ADRA1B: variants seen among roughly 807,000 people sequenced by gnomAD.
ADRA1B encodes the protein adrenoceptor alpha 1B.
ADRA1B carries 17 observed loss-of-function variants against 17.9 expected under a neutral mutation model. The ratio of observed to expected loss-of-function variants is 0.95; its 90% CI spans 0.65 to 1.42. ADRA1B has a LOEUF of 1.42. Among genes scored for constraint, ADRA1B ranks in the 40% most tolerant of loss-of-function variants. The probability of loss-of-function intolerance (pLI) is 0.00; values close to 1 mark genes in which losing one functional copy is unlikely to be tolerated. For synonymous variants in ADRA1B, 366 were observed against 327.6 expected (o/e 1.12, Z -1.27); for missense variants, 681 against 722.1 (o/e 0.94, Z 0.65).
At chr5:159,946,104 A>G (rs577785839) in intron 1 of ADRA1B, among the ~76,000 whole-genome samples, 1 of 152,300 alleles carries the variant, frequency 6.6e-6, no homozygotes, top group South Asian at 2.1e-4. Context: ...TAGAGGCTTA[A>G]GGGTAGAGAC....
In ADRA1B at chr5:159,917,298, G is replaced by T; in HGVS notation, c.393G>T (p.Ala131=). The change falls in exon 1 of 2, where the codon GCG becomes GCT. Residue 131 remains alanine (A), a synonymous_variant. Coordinates refer to ENST00000306675, the MANE Select transcript of ADRA1B (RefSeq NM_000679.4). The part of the protein sequence containing the change: ...WAAVDVLCCT[A]SILSLCAISI... ...CCGTGGATGTCCTGTGCTGCACAGC[G>T]TCCATTCTGAGCCTGTGCGCCATCT... 1 of 1,614,026 alleles carries T rather than the reference G, an allele frequency of 6.2e-7. No homozygotes were observed.
intron 1 of ADRA1B, among the ~76,000 whole-genome samples, chr5:159,945,564 C>G (rs1755246132): frequency 6.6e-6 from 1 of 152,028 alleles, no homozygotes; most frequent in Non-Finnish European, 1.5e-5. Flanking sequence ...GAGTGCTGGA[C>G]TGCACAGAAG....
Position 159,972,555 on chromosome 5 carries a change from G to A in ADRA1B, c.*63G>A, listed in dbSNP as rs1755902205. ...ACATCGTGGGGGGGAGGGGAGGGCG[G>A]GGCGGAGGGGGGAGGGGAGCGTCCA... On this transcript the variant is annotated 3_prime_UTR_variant, in exon 2 of 2. Coordinates refer to ENST00000306675, the MANE Select transcript of ADRA1B (RefSeq NM_000679.4). 1.8e-6 allele frequency: 1 copy of A among 563,346 alleles called. No individual in the cohort carries two copies. Among genetic ancestry groups the A allele is most frequent in the African/African-American group, 2.0e-5 (1 of 49,434 alleles). 34.9% of individuals were successfully genotyped at this position (563,346 alleles called of 1,614,324 possible).
At chr5:159,933,763 C>T (rs116446221) in intron 1 of ADRA1B, among the ~76,000 whole-genome samples, 4,045 of 152,320 alleles carry the variant, frequency 0.027, 79 homozygotes, top group Non-Finnish European at 0.036. Context: ...GGCCTGGCAG[C>T]CCACATCAGT....
At position 159,879,669 on chromosome 5, in the gene ADRA1B, G is replaced by A. The variant is rs564402344; in HGVS notation, c.-256+14463G>A. Among the ~76,000 whole-genome samples, 4 of 152,308 alleles carry A rather than the reference G, an allele frequency of 2.6e-5. No individual in the cohort carries two copies. The South Asian group carries it at 8.3e-4, about 32-fold the overall frequency. ...TGCATGCGTGTGTGTGGGTACATGTGTGTTTACCTGTGACTCGGTGTTTAA... is the reference window on the plus strand; with the variant it reads ...TGCATGCGTGTGTGTGGGTACATGTATGTTTACCTGTGACTCGGTGTTTAA... On this transcript the variant is annotated intron_variant, in intron 1 of 2. Coordinates refer to the ADRA1B transcript ENST00000641205.
intron 1 of ADRA1B, among the ~76,000 whole-genome samples, chr5:159,901,143 T>C (rs1268190625): frequency 6.6e-6 from 1 of 151,752 alleles, no homozygotes; most frequent in Non-Finnish European, 1.5e-5. Flanking sequence ...CATTAACTTA[T>C]AATTATTTAT....
chr5:159,873,402 C>G (rs978337095), intron 1 of ADRA1B, among the ~76,000 whole-genome samples: 1 of 152,188 alleles, frequency 6.6e-6, no homozygotes, highest in Admixed American at 6.5e-5. Context: ...CAGCTGTCAG[C>G]ATGAGCTTGG....
chr5:159,894,141 G>A (rs114454119), intron 1 of ADRA1B, among the ~76,000 whole-genome samples: 2,630 of 152,312 alleles, frequency 0.017, 86 homozygotes, highest in African/African-American at 0.059. Context: ...GTGGTGCCCC[G>A]CAGGGAGACG....
intron 1 of ADRA1B, among the ~76,000 whole-genome samples, chr5:159,923,562 G>C (rs1754552497): frequency 6.6e-6 from 1 of 152,236 alleles, no homozygotes; most frequent in African/African-American, 2.4e-5. Flanking sequence ...AGTGGGAAGG[G>C]GGAGCCTGAA....
At chr5:159,909,096 G>C (rs1047154410) in intron 1 of ADRA1B, among the ~76,000 whole-genome samples, 4 of 152,142 alleles carry the variant, frequency 2.6e-5, no homozygotes, top group Non-Finnish European at 4.4e-5. Context: ...GTAAACAGCA[G>C]AGACACACTG....
rs933222582 is a variant in ADRA1B at position 159,951,394 on chromosome 5, G to A, written c.950-20485G>A. Reference sequence around the variant, plus strand: ...ACCATGTAGTTGAGGTCAATGAAGGGTCATTAATGGCAACAATATCCACTT... The same window carrying A: ...ACCATGTAGTTGAGGTCAATGAAGGATCATTAATGGCAACAATATCCACTT... On this transcript the variant is annotated intron_variant, in intron 1 of 1. Coordinates refer to ENST00000306675, the MANE Select transcript of ADRA1B (RefSeq NM_000679.4). 29 of 860,584 alleles carry A rather than the reference G, an allele frequency of 3.4e-5. No individual in the cohort carries two copies. The African/African-American group carries it at 3.5e-4, about 10-fold the overall frequency. The allele number at this position is 860,584 out of a possible 1,614,324, so 53.3% of individuals were successfully genotyped here.
chr5:159,890,372 T>G (rs1414151856), intron 1 of ADRA1B, among the ~76,000 whole-genome samples: 1 of 152,214 alleles, frequency 6.6e-6, no homozygotes, highest in African/African-American at 2.4e-5. Flanking sequence ...ATCTATTAAA[T>G]TAGTCATCTA....
At chr5:159,939,932 G>A (rs1005428859) in intron 1 of ADRA1B, among the ~76,000 whole-genome samples, 2 of 152,132 alleles carry the variant, frequency 1.3e-5, no homozygotes, top group Non-Finnish European at 2.9e-5. Flanking sequence ...TCTCTCTTGT[G>A]CGATCTCTGT....
intron 1 of ADRA1B, among the ~76,000 whole-genome samples, chr5:159,904,062 T>A (rs1462418425): frequency 6.6e-6 from 1 of 152,238 alleles, no homozygotes; most frequent in Non-Finnish European, 1.5e-5. Flanking sequence ...GAAATGAGAC[T>A]GATTTTCTTT....
intron 1 of ADRA1B, among the ~76,000 whole-genome samples, chr5:159,887,875 G>C (rs1186324388): frequency 6.6e-6 from 1 of 152,092 alleles, no homozygotes; most frequent in Non-Finnish European, 1.5e-5. Context: ...GCTAACAAGG[G>C]TTTGGGGATG....
chr5:159,979,280 C>G, the ADRA1B span, among the ~76,000 whole-genome samples: 1 of 152,114 alleles, frequency 6.6e-6, no homozygotes, highest in African/African-American at 2.4e-5. Context: ...CCTGATTTTC[C>G]CATTTATTAG....
intron 1 of ADRA1B, among the ~76,000 whole-genome samples, chr5:159,942,244 G>T (rs189098374): frequency 2.0e-5 from 3 of 152,094 alleles, no homozygotes; most frequent in African/African-American, 7.2e-5. Context: ...TTTTTAGGGG[G>T]TGATGAAATT....
chr5:159,972,153 C>A lies in ADRA1B; in HGVS notation c.1224C>A (p.Asp408Glu), dbSNP rs940756459. 23 of 1,361,212 alleles carry A rather than the reference C, an allele frequency of 1.7e-5. No homozygotes were observed. The African/African-American group carries it at 3.5e-4, about 21-fold the overall frequency. 84.3% of individuals were successfully genotyped at this position (1,361,212 alleles called of 1,614,324 possible). ...ERSQSRKDSLDDSGSCLSGSQ... is the reference protein window; with the variant it reads ...ERSQSRKDSLEDSGSCLSGSQ... Reference sequence around the variant, plus strand: ...CGCAGTCGCGCAAGGACTCGCTGGACGACAGCGGCAGCTGCCTGAGCGGCA... The same window carrying A: ...CGCAGTCGCGCAAGGACTCGCTGGAAGACAGCGGCAGCTGCCTGAGCGGCA... The change falls in exon 2 of 2, where the codon GAC (aspartate) becomes GAA (glutamate). Residue 408 changes from aspartate to glutamate, a missense_variant. Asp to Glu is a conservative substitution (Grantham distance 45). Around this residue, in one of 3 missense-constraint regions of ADRA1B, gnomAD observed 251 missense variants for 224.9 expected, o/e 1.12. Coordinates refer to ENST00000306675, the MANE Select transcript of ADRA1B (RefSeq NM_000679.4).
intron 1 of ADRA1B, among the ~76,000 whole-genome samples, chr5:159,934,610 G>C (rs1029991159): frequency 6.6e-6 from 1 of 151,960 alleles, no homozygotes; most frequent in African/African-American, 2.4e-5. Context: ...TTTGAGACCA[G>C]CCTGGCCAAC....
Sources: gnomAD v4.1 joint callset for allele counts (sites outside exome capture counted in the v4.1 genomes callset) on GRCh38, gnomAD v4.1.1 for gene constraint, gnomAD v4.1.1 regional missense constraint, MANE v1.5 for transcripts, NCBI Gene and HGNC (gene_info 2026-07-23, HGNC 2026-07-21) for gene names.